CECR2: variants seen among roughly 807,000 people sequenced by gnomAD.
The protein encoded by CECR2 is chromatin remodeling regulator CECR2.
A neutral mutation model predicts 154.5 loss-of-function variants in CECR2; 30 were observed. The ratio of observed to expected loss-of-function variants is 0.19; its 90% CI spans 0.15 to 0.26. The LOEUF (loss-of-function observed/expected upper bound fraction) is 0.26, where lower values mean the gene tolerates loss of function less well. Among genes scored for constraint, CECR2 ranks in the 10% least tolerant of loss-of-function variants. The probability of loss-of-function intolerance (pLI) is 1.00; values close to 1 mark genes in which losing one functional copy is unlikely to be tolerated. For missense variants in CECR2, 1,743 were observed against 1,829.3 expected (o/e 0.95, Z 0.86); for synonymous variants, 725 against 683.7 (o/e 1.06, Z -0.94).
Position 17,548,894 on chromosome 22 carries a change from T to C in CECR2, c.3607T>C (p.Tyr1203His). Residue 1203 changes from tyrosine (Y) to histidine (H), a missense_variant, in exon 17 of 19, where the codon TAT becomes CAT. By Grantham distance (83) the Tyr-to-His change is moderately conservative. Around this residue, in one of 4 missense-constraint regions of CECR2, gnomAD observed 1,250 missense variants for 1,192.1 expected, o/e 1.05. Transcript: ENST00000262608. ...CCACCACTATCAGCGAACTCCTTAC[T>C]ATGCCTGTCCACAGAGCTTTTCTGA... Reference protein sequence around the residue: ...SYHHYQRTPYYACPQSFSDWQ... With the variant: ...SYHHYQRTPYHACPQSFSDWQ... 1 of 1,613,372 alleles carries C rather than the reference T, an allele frequency of 6.2e-7. No individual in the cohort carries two copies. Among genetic ancestry groups the C allele is most frequent in the Non-Finnish European group, 8.5e-7 (1 of 1,179,532 alleles).
intron 1 of CECR2, among the ~76,000 whole-genome samples, chr22:17,407,770 A>C (rs756069232): frequency 1.3e-5 from 2 of 152,118 alleles, no homozygotes; most frequent in Non-Finnish European, 2.9e-5. Context: ...GGTTGCCACA[A>C]CTCAGGGGAA....
intron 1 of CECR2, among the ~76,000 whole-genome samples, chr22:17,406,149 A>C (rs1285613050): frequency 6.6e-6 from 1 of 152,238 alleles, no homozygotes; most frequent in Non-Finnish European, 1.5e-5. Context: ...TATGACTTGC[A>C]TCCTTTTAAA....
chr22:17,401,231 A>G (rs1398016970), intron 1 of CECR2, among the ~76,000 whole-genome samples: 3 of 152,142 alleles, frequency 2.0e-5, no homozygotes, highest in African/African-American at 4.8e-5. Flanking sequence ...GGATTAGTCT[A>G]TTTATTCATA....
At chr22:17,384,910 T>C (rs2063240830) in intron 1 of CECR2, among the ~76,000 whole-genome samples, 1 of 152,232 alleles carries the variant, frequency 6.6e-6, no homozygotes, top group African/African-American at 2.4e-5. Flanking sequence ...GTTAATGATC[T>C]TAGCTAGATC....
chr22:17,477,441 C>G (rs937476813), intron 1 of CECR2, 147 bp from the exon 2 acceptor site: 1 of 630,912 alleles, frequency 1.6e-6, no homozygotes, highest in Non-Finnish European at 2.8e-6. Context: ...CTCACAGTAG[C>G]CAGAAGGAAG....
At chr22:17,381,810 C>T (rs917929318) in intron 1 of CECR2, among the ~76,000 whole-genome samples, 1 of 152,102 alleles carries the variant, frequency 6.6e-6, no homozygotes, top group Non-Finnish European at 1.5e-5. Context: ...GAAACGCTTC[C>T]TGGAGGAAGC....
rs1208572469 is a variant in CECR2 at position 17,409,473 on chromosome 22, C to T, written c.126+39564C>T. Among the ~76,000 whole-genome samples, 3 of 111,448 alleles carry T rather than the reference C, an allele frequency of 2.7e-5. 1 individual carries two copies. Among genetic ancestry groups the T allele is most frequent in the Non-Finnish European group, 6.4e-5 (3 of 46,684 alleles). 73.1% of individuals were successfully genotyped at this position (111,448 alleles called of 152,430 possible). ...GTCTCAATCTCTTGACCTCGTGATC[C>T]GCCTGCCTCGGCCTCCCAAAGTGCT... On this transcript the variant is annotated intron_variant, in intron 1 of 18. Transcript: ENST00000262608.
At chr22:17,399,946 C>T (rs1420200423) in intron 1 of CECR2, among the ~76,000 whole-genome samples, 1 of 152,158 alleles carries the variant, frequency 6.6e-6, no homozygotes, top group African/African-American at 2.4e-5. Context: ...CATGCTAATG[C>T]TCACATGATA....
intron 1 of CECR2, among the ~76,000 whole-genome samples, chr22:17,440,470 C>T (rs2054568573): frequency 6.6e-6 from 1 of 152,062 alleles, no homozygotes; most frequent in Non-Finnish European, 1.5e-5. Flanking sequence ...AGACAAAGTG[C>T]CTCAGAGAAA....
chr22:17,414,224 G>A (rs1398949826), intron 1 of CECR2, among the ~76,000 whole-genome samples: 15 of 152,210 alleles, frequency 9.9e-5, no homozygotes, highest in South Asian at 4.1e-4. Context: ...CGCCCGCCTT[G>A]GCCTCCCAAA....
At chr22:17,527,883 G>A (rs1396294410) in intron 9 of CECR2, among the ~76,000 whole-genome samples, 2 of 152,006 alleles carry the variant, frequency 1.3e-5, no homozygotes, top group Admixed American at 6.6e-5. Flanking sequence ...CAGTTAAAAT[G>A]GTTTATACCC....
intron 1 of CECR2, among the ~76,000 whole-genome samples, chr22:17,390,365 G>A (rs1395194157): frequency 3.3e-5 from 5 of 152,170 alleles, no homozygotes; most frequent in East Asian, 1.9e-4. Flanking sequence ...CTTTCATTGT[G>A]CCCTTTATTG....
At position 17,459,377 on chromosome 22, in the gene CECR2, A is replaced by G. The variant is rs1601394550; in HGVS notation, c.127-18211A>G. Among the ~76,000 whole-genome samples, 12 of 152,248 alleles carry G rather than the reference A, an allele frequency of 7.9e-5. 1 individual carries two copies. In the South Asian group the frequency reaches 2.5e-3, roughly 32 times the overall value. On this transcript the variant is annotated intron_variant, in intron 1 of 18. Coordinates refer to ENST00000262608, the MANE Select transcript of CECR2 (RefSeq NM_001290047.2). The stretch of plus-strand genomic sequence containing the variant: ...CATGACCACAGCTCACTGCCTCTGC[A>G]ACTTCCCGGGTTCAAGCTATCCTCC...
intron 5 of CECR2, 146 bp downstream of exon 5, chr22:17,500,881 G>A (rs1316877416): frequency 3.3e-6 from 2 of 615,378 alleles, no homozygotes; most frequent in Admixed American, 3.0e-5. Context: ...TACCACATGT[G>A]CAGTACAGTC....
intron 1 of CECR2, among the ~76,000 whole-genome samples, chr22:17,432,656 G>C (rs1345554461): frequency 6.6e-6 from 1 of 152,064 alleles, no homozygotes; most frequent in Non-Finnish European, 1.5e-5. Context: ...TTTTTTAAGA[G>C]ACAGAGTTTT....
chr22:17,378,663 A>C (rs1255656928), intron 1 of CECR2, among the ~76,000 whole-genome samples: 3 of 152,158 alleles, frequency 2.0e-5, no homozygotes, highest in Non-Finnish European at 4.4e-5. Flanking sequence ...TGACAAATAT[A>C]AATGTCTCCA....
chr22:17,540,710 G>A lies in CECR2; in HGVS notation c.1794G>A (p.Pro598=), dbSNP rs768771658. ...DDQSSSSTQP[P]REVGTSNGRG... is the part of the protein sequence containing the mutation. The stretch of plus-strand genomic sequence containing the variant: ...AGAGCAGCAGCTCCACACAGCCCCC[G>A]CGGGAGGTGGGCACTTCCAATGGCC... Residue 598 remains proline, a synonymous_variant, in exon 14 of 19, where the codon CCG becomes CCA. Coordinates refer to ENST00000262608, the MANE Select transcript of CECR2 (RefSeq NM_001290047.2). The A allele has an allele frequency of 2.9e-5, 46 of 1,613,222 alleles. No homozygotes were observed. In the Middle Eastern group the frequency reaches 6.6e-4, roughly 23 times the overall value.
rs191869800 is a variant in CECR2 at position 17,478,391 on chromosome 22, T to G, written c.221+709T>G. On this transcript the variant is annotated intron_variant, in intron 2 of 18. Transcript: ENST00000262608. ...TTTTTTTTGAGACGGAGTCTCACTCTGTCGCCCAGGCTGGAGTGCAGTGGC... is the reference window on the plus strand; with the variant it reads ...TTTTTTTTGAGACGGAGTCTCACTCGGTCGCCCAGGCTGGAGTGCAGTGGC... 9.2e-3 allele frequency among the ~76,000 whole-genome samples: 1,336 copies of G among 144,506 alleles called. 21 individuals are homozygous for G. The highest frequency in any genetic ancestry group is 0.032 in the African/African-American group (1,273 of 39,278). The allele number at this position is 144,506 out of a possible 152,430, so 94.8% of individuals were successfully genotyped here.
In CECR2 at chr22:17,460,448, G is replaced by C. The variant is rs540193440; in HGVS notation, c.127-17140G>C. On this transcript the variant is annotated intron_variant, in intron 1 of 18. Coordinates refer to ENST00000262608, the MANE Select transcript of CECR2 (RefSeq NM_001290047.2). ...TGGTCACTAACTCCTGACCTCAGGT[G>C]ATCCGCCCGTCTCGGCCTCCCAAAG... 1.1e-3 allele frequency among the ~76,000 whole-genome samples: 172 copies of C among 152,324 alleles called. 1 individual carries two copies. Among genetic ancestry groups the C allele is most frequent in the African/African-American group, 4.0e-3 (165 of 41,566 alleles).
Sources: allele counts gnomAD v4.1 joint callset (sites outside exome capture counted in the v4.1 genomes callset), GRCh38; gene constraint gnomAD v4.1.1; regional missense constraint gnomAD v4.1.1; transcripts MANE v1.5; gene names NCBI Gene and HGNC (gene_info 2026-07-23, HGNC 2026-07-21).